RNFT2: variants seen among roughly 807,000 people sequenced by gnomAD.
The protein encoded by RNFT2 is ring finger protein, transmembrane 2, also known as E3 ubiquitin-protein ligase RNFT2.
A neutral mutation model predicts 53.0 loss-of-function variants in RNFT2; 36 were observed. The observed-to-expected ratio is 0.68, with a 90% CI of 0.52 to 0.90. The LOEUF (loss-of-function observed/expected upper bound fraction) is 0.90. RNFT2 is among the 40% of genes least tolerant of loss of function. The pLI, the probability that RNFT2 is intolerant of heterozygous loss-of-function variation, is 0.00. For synonymous variants in RNFT2, 260 were observed against 253.2 expected (o/e 1.03, Z -0.26); for missense variants, 514 against 585.6 (o/e 0.88, Z 1.26).
chr12:116,771,690 A>T (rs1873201890), intron 6 of RNFT2, among the ~76,000 whole-genome samples: 1 of 151,960 alleles, frequency 6.6e-6, no homozygotes, highest in South Asian at 2.1e-4. Flanking sequence ...CCCCAAATAC[A>T]TGTCCCATGA....
intron 8 of RNFT2, among the ~76,000 whole-genome samples, chr12:116,834,600 C>G (rs1245910070): frequency 1.3e-5 from 2 of 152,148 alleles, no homozygotes; most frequent in Non-Finnish European, 1.5e-5. Context: ...AACCACAAAT[C>G]TGCTTTTTCT....
At chr12:116,799,687 T>C (rs1874670789) in intron 7 of RNFT2, among the ~76,000 whole-genome samples, 1 of 152,034 alleles carries the variant, frequency 6.6e-6, no homozygotes, top group South Asian at 2.1e-4. Context: ...TGTAATCCCT[T>C]TTTTTGGTAG....
At position 116,851,705 on chromosome 12, in the gene RNFT2, C is replaced by A; in HGVS notation, c.*2257C>A. On this transcript the variant is annotated 3_prime_UTR_variant, in exon 11 of 11. Coordinates refer to ENST00000257575, the MANE Select transcript of RNFT2 (RefSeq NM_001382266.1). The stretch of plus-strand genomic sequence containing the variant: ...GCAGTGAGCCGAGATTGCACCACAG[C>A]ACTCCAACCTGGGTGACAGAGTGAG... The A allele has an allele frequency of 1.5e-6, 1 of 675,582 alleles. No homozygotes were observed. The highest frequency in any genetic ancestry group is 1.6e-5 in the South Asian group (1 of 61,098). 41.8% of individuals were successfully genotyped at this position (675,582 alleles called of 1,614,324 possible).
chr12:116,749,330 T>G (rs1402768625), intron 3 of RNFT2, among the ~76,000 whole-genome samples: 2 of 131,478 alleles, frequency 1.5e-5, no homozygotes, highest in African/African-American at 5.6e-5. Context: ...CAGGCTGGAG[T>G]GCAGTGGCGA....
chr12:116,789,295 G>T (rs1874097080), intron 7 of RNFT2, among the ~76,000 whole-genome samples: 1 of 150,338 alleles, frequency 6.7e-6, no homozygotes, highest in South Asian at 2.1e-4. Context: ...TGGGTGGGTG[G>T]ATGGGTAAAT....
chr12:116,814,979 G>A (rs922308526), intron 7 of RNFT2, among the ~76,000 whole-genome samples: 3 of 152,198 alleles, frequency 2.0e-5, no homozygotes, highest in East Asian at 1.9e-4. Context: ...CAGGTGACCC[G>A]CCTGCGTCGG....
chr12:116,750,850 TAATATATATTA>T (rs1872185874), intron 4 of RNFT2, among the ~76,000 whole-genome samples: 1 of 3,310 alleles, frequency 3.0e-4, no homozygotes, highest in African/African-American at 8.4e-4. Flanking sequence ...TATATATATA[TAATATATATTA>T]TATATATATA....
chr12:116,763,798 G>C (rs1316013896), intron 5 of RNFT2, among the ~76,000 whole-genome samples: 1 of 149,008 alleles, frequency 6.7e-6, no homozygotes, highest in Admixed American at 6.7e-5. Flanking sequence ...AGGGGGCGGG[G>C]GGGGAAAGAA....
At position 116,836,018 on chromosome 12, in the gene RNFT2, C is replaced by G. The variant is rs1285466663; in HGVS notation, c.1091C>G (p.Thr364Ser). The G allele has an allele frequency of 5.0e-6, 8 of 1,613,872 alleles. No individual in the cohort carries two copies. The South Asian group carries it at 8.8e-5, about 18-fold the overall frequency. The change falls in exon 9 of 11, where the codon ACC (threonine) becomes AGC (serine). Residue 364 changes from threonine (T) to serine (S), a missense_variant. Thr to Ser is a moderately conservative substitution (Grantham distance 58, BLOSUM62 1). Transcript: ENST00000257575. Reference protein sequence around the residue: ...GVRKALKLLCTSQNYGVRATG... With the variant: ...GVRKALKLLCSSQNYGVRATG... The stretch of plus-strand genomic sequence containing the variant: ...AGGAAAGCCCTGAAGCTTCTCTGTA[C>G]CTCTCAGGTGAGTTGGCTTCAGGTG...
intron 3 of RNFT2, among the ~76,000 whole-genome samples, chr12:116,743,247 G>GAAAAAAAAAA (rs1566066807): frequency 6.5e-5 from 4 of 61,556 alleles, no homozygotes; most frequent in African/African-American, 2.1e-4. Flanking sequence ...AAAAAAAACC[G>GAAAAAAAAAA]GTTAAAAAAC....
At chr12:116,782,628 G>C (rs1426763260) in intron 7 of RNFT2, among the ~76,000 whole-genome samples, 3 of 152,162 alleles carry the variant, frequency 2.0e-5, no homozygotes, top group South Asian at 4.1e-4. Flanking sequence ...TGCCACACCT[G>C]ATTTCCTCCC....
intron 5 of RNFT2, among the ~76,000 whole-genome samples, chr12:116,766,197 A>C (rs1331280646): frequency 6.6e-6 from 1 of 152,130 alleles, no homozygotes; most frequent in Non-Finnish European, 1.5e-5. Flanking sequence ...CAGGAGGATC[A>C]CTTGAGCCCA....
intron 10 of RNFT2, among the ~76,000 whole-genome samples, chr12:116,838,093 C>G (rs1877071926): frequency 6.6e-6 from 1 of 152,130 alleles, no homozygotes; most frequent in African/African-American, 2.4e-5. Context: ...ACTTAAAACT[C>G]TATCTTAGAG....
chr12:116,849,689 T>G lies in RNFT2; in HGVS notation c.*241T>G, dbSNP rs1471375795. 3 of 1,252,858 alleles carry G rather than the reference T, an allele frequency of 2.4e-6. No individual in the cohort carries two copies. Among genetic ancestry groups the G allele is most frequent in the Non-Finnish European group, 3.0e-6 (3 of 996,666 alleles). The allele number at this position is 1,252,858 out of a possible 1,614,324, so 77.6% of individuals were successfully genotyped here. On this transcript the variant is annotated 3_prime_UTR_variant, in exon 11 of 11. Coordinates refer to ENST00000257575, the MANE Select transcript of RNFT2 (RefSeq NM_001382266.1). ...AGGGGACGTCTTCCTAACTCAGACTTGATGCCCTTCTAGATGCATCTTCCT... is the reference window on the plus strand; with the variant it reads ...AGGGGACGTCTTCCTAACTCAGACTGGATGCCCTTCTAGATGCATCTTCCT...
intron 6 of RNFT2, among the ~76,000 whole-genome samples, chr12:116,770,893 C>T (rs1873145989): frequency 6.6e-6 from 1 of 152,024 alleles, no homozygotes; most frequent in Non-Finnish European, 1.5e-5. Flanking sequence ...TTCATTTATG[C>T]CTGTACTTTT....
intron 7 of RNFT2, among the ~76,000 whole-genome samples, chr12:116,809,939 T>C (rs1253752730): frequency 3.3e-5 from 5 of 152,160 alleles, no homozygotes; most frequent in Non-Finnish European, 5.9e-5. Context: ...CCTCCCAAAG[T>C]GCTGGGCTTG....
intron 7 of RNFT2, among the ~76,000 whole-genome samples, chr12:116,781,290 G>A (rs774623019): frequency 7.2e-5 from 11 of 152,178 alleles, no homozygotes; most frequent in East Asian, 3.9e-4. Context: ...GCTGACCTGC[G>A]CGAACTATAT....
chr12:116,750,908 ATTTTT>A (rs386377851), intron 4 of RNFT2, among the ~76,000 whole-genome samples: 20 of 70,012 alleles, frequency 2.9e-4, no homozygotes, highest in South Asian at 9.8e-4. Context: ...ATATATATAT[ATTTTT>A]TTTTGAGACA....
At chr12:116,760,591 T>C (rs1287791700) in intron 5 of RNFT2, among the ~76,000 whole-genome samples, 1 of 152,186 alleles carries the variant, frequency 6.6e-6, no homozygotes, top group East Asian at 1.9e-4. Context: ...AAACTTCTCC[T>C]GCAAACAGAC....
Sources: gnomAD v4.1 joint callset for allele counts (sites outside exome capture counted in the v4.1 genomes callset) on GRCh38, gnomAD v4.1.1 for gene constraint, MANE v1.5 for transcripts, NCBI Gene and HGNC (gene_info 2026-07-23, HGNC 2026-07-21) for gene names.